CCDC171: variants seen among roughly 807,000 people sequenced by gnomAD.
CCDC171 encodes the protein coiled-coil domain containing 171.
In CCDC171, 177 loss-of-function variants were observed where a neutral mutation model predicts 168.2. That is an observed-to-expected ratio of 1.05 (90% CI 0.93 to 1.19). CCDC171 has a LOEUF of 1.19. Among genes scored for constraint, CCDC171 ranks in the 50% most tolerant of loss-of-function variants. The probability of loss-of-function intolerance (pLI) is 0.00; values close to 1 mark genes in which losing one functional copy is unlikely to be tolerated. For missense variants in CCDC171, 1,991 were observed against 1,539.0 expected, an observed-to-expected ratio of 1.29 and a Z score of -4.91; for synonymous variants, 687 against 540.8, an observed-to-expected ratio of 1.27 and a Z score of -3.75.
chr9:15,890,241 G>T (rs1295446738), intron 24 of CCDC171, among the ~76,000 whole-genome samples: 1 of 152,058 alleles, frequency 6.6e-6, no homozygotes, highest in Non-Finnish European at 1.5e-5. Context: ...GAAAGACATG[G>T]TTGCCATAGG....
At chr9:15,938,532 C>T (rs1045149176) in intron 25 of CCDC171, among the ~76,000 whole-genome samples, 22 of 151,842 alleles carry the variant, frequency 1.4e-4, no homozygotes, top group African/African-American at 2.4e-5. Flanking sequence ...ACAAAAGGAT[C>T]TTTCTCTTTC....
At chr9:15,965,227 C>G (rs1371793440) in intron 25 of CCDC171, among the ~76,000 whole-genome samples, 1 of 152,144 alleles carries the variant, frequency 6.6e-6, no homozygotes, top group African/African-American at 2.4e-5. Flanking sequence ...AAATGTTAGA[C>G]CACAATAAAA....
At chr9:15,812,892 G>T (rs545624134) in intron 21 of CCDC171, among the ~76,000 whole-genome samples, 3 of 152,280 alleles carry the variant, frequency 2.0e-5, no homozygotes, top group African/African-American at 7.2e-5. Flanking sequence ...TTATCTTGCA[G>T]TTAATAGGTT....
At position 15,646,344 on chromosome 9, in the gene CCDC171, T is replaced by C. The variant is rs561155112; in HGVS notation, c.823-10783T>C. On this transcript the variant is annotated intron_variant, in intron 7 of 25. Transcript: ENST00000380701. ...CTAGGAAGGAAGAAACTGCATCAAC[T>C]AATGAGCAAAATAACCAGCTAACAT... Among the ~76,000 whole-genome samples the C allele has an allele frequency of 9.2e-5, 14 of 152,286 alleles. No homozygotes were observed. In the East Asian group the frequency reaches 2.7e-3, roughly 29 times the overall value.
At chr9:15,639,452 C>T (rs369417692) in intron 7 of CCDC171, among the ~76,000 whole-genome samples, 112 of 152,072 alleles carry the variant, frequency 7.4e-4, no homozygotes, top group African/African-American at 2.5e-3. Context: ...GAATTTGCGA[C>T]CACAAATTCT....
At chr9:15,734,486 C>T (rs187413808) in intron 16 of CCDC171, among the ~76,000 whole-genome samples, 19 of 152,134 alleles carry the variant, frequency 1.2e-4, no homozygotes, top group East Asian at 5.8e-4. Flanking sequence ...TGCAATAAGC[C>T]GAGATTGCGC....
chr9:16,054,624 A>G (rs917399906), intron 1 of CCDC171, among the ~76,000 whole-genome samples: 4 of 152,232 alleles, frequency 2.6e-5, no homozygotes, highest in Non-Finnish European at 5.9e-5. Context: ...AGGACTTAAC[A>G]TGGAAACTGC....
intron 6 of CCDC171, among the ~76,000 whole-genome samples, chr9:15,619,960 C>T (rs2044378220): frequency 6.6e-6 from 1 of 152,166 alleles, no homozygotes; most frequent in South Asian, 2.1e-4. Flanking sequence ...CAACAAAGCC[C>T]AGATGACAGC....
chr9:15,561,270 C>G (rs2039281897), intron 1 of CCDC171, among the ~76,000 whole-genome samples: 1 of 152,110 alleles, frequency 6.6e-6, no homozygotes, highest in Non-Finnish European at 1.5e-5. Flanking sequence ...AGTTTTGTGA[C>G]AGTTGGAATG....
chr9:15,879,573 C>A (rs1307606598), intron 24 of CCDC171, among the ~76,000 whole-genome samples: 1 of 152,082 alleles, frequency 6.6e-6, no homozygotes, highest in Admixed American at 6.6e-5. Context: ...TAACCAACTT[C>A]TCTTGGGCCA....
chr9:15,784,446 G>A, intron 20 of CCDC171, 63 bp from the exon 21 acceptor site: 1 of 1,061,024 alleles, frequency 9.4e-7, no homozygotes, highest in Middle Eastern at 2.1e-4. Context: ...AGTTTTGAAG[G>A]TGAAATGATA....
chr9:15,900,923 G>T (rs1017683263), intron 24 of CCDC171, among the ~76,000 whole-genome samples: 11 of 152,170 alleles, frequency 7.2e-5, no homozygotes, highest in Admixed American at 5.2e-4. Context: ...GTTGCTTCCA[G>T]TGTACATCTA....
chr9:15,862,284 T>C (rs147118396), intron 23 of CCDC171, among the ~76,000 whole-genome samples: 1 of 152,012 alleles, frequency 6.6e-6, no homozygotes, highest in African/African-American at 2.4e-5. Flanking sequence ...GACTGGGTGA[T>C]TTCACGTGGC....
chr9:15,924,533 T>C (rs1350454708), intron 25 of CCDC171, among the ~76,000 whole-genome samples: 1 of 151,386 alleles, frequency 6.6e-6, no homozygotes, highest in African/African-American at 2.4e-5. Context: ...TTTACTAACC[T>C]AACACTTTCA....
intron 1 of CCDC171, among the ~76,000 whole-genome samples, chr9:15,563,129 C>G (rs969686430): frequency 6.7e-5 from 10 of 149,788 alleles, no homozygotes; most frequent in African/African-American, 2.4e-4. Context: ...GTGACTTTTT[C>G]AAGTTACTTC....
chr9:15,803,548 G>A (rs2135822497), intron 21 of CCDC171, among the ~76,000 whole-genome samples: 2 of 151,960 alleles, frequency 1.3e-5, no homozygotes, highest in Middle Eastern at 6.8e-3. Flanking sequence ...TTTTTGTCAG[G>A]TTTGTCAAAG....
chr9:15,609,224 C>T (rs1304301986), intron 6 of CCDC171, among the ~76,000 whole-genome samples: 1 of 151,856 alleles, frequency 6.6e-6, no homozygotes, highest in Non-Finnish European at 1.5e-5. Context: ...CTCAGCCTCC[C>T]GAGTAGCTGG....
chr9:15,909,992 C>T (rs1823373862), intron 24 of CCDC171, among the ~76,000 whole-genome samples: 1 of 152,120 alleles, frequency 6.6e-6, no homozygotes, highest in Admixed American at 6.6e-5. Context: ...TCTGTTATTC[C>T]ACTCTGTACT....
Position 15,971,765 on chromosome 9 carries a change from C to G in CCDC171, c.3910C>G (p.Leu1304Val), listed in dbSNP as rs756295951. ...ETFINTVPHA[L>V]TSSHSSPVTM... ...ATTTATAAATACTGTGCCCCATGCT[C>G]TGACATCATCTCACTCCTCTCCAGT... Residue 1304 changes from leucine (L) to valine (V), a missense_variant, in exon 26 of 26, where the codon CTG becomes GTG. Coordinates refer to ENST00000380701, the MANE Select transcript of CCDC171 (RefSeq NM_173550.4). 1.2e-6 allele frequency: 2 copies of G among 1,613,992 alleles called. No individual in the cohort carries two copies. Among genetic ancestry groups the G allele is most frequent in the Non-Finnish European group, 1.7e-6 (2 of 1,179,918 alleles).
Sources: gnomAD v4.1 joint callset for allele counts (sites outside exome capture counted in the v4.1 genomes callset) on GRCh38, gnomAD v4.1.1 for gene constraint, MANE v1.5 for transcripts, NCBI Gene and HGNC (gene_info 2026-07-23, HGNC 2026-07-21) for gene names.